KITLG: variants seen among roughly 807,000 people sequenced by gnomAD.
KITLG encodes the protein KIT ligand.
KITLG carries 13 observed loss-of-function variants against 34.1 expected under a neutral mutation model. That is an observed-to-expected ratio of 0.38 (90% CI 0.25 to 0.61). The LOEUF (loss-of-function observed/expected upper bound fraction) is 0.61. Ranked by LOEUF, KITLG falls within the 20% of genes least tolerant of loss-of-function variation. The pLI is 0.60. For synonymous variants in KITLG, 110 were observed against 104.0 expected (o/e 1.06, Z -0.35); for missense variants, 292 against 318.9 (o/e 0.92, Z 0.64).
intron 3 of KITLG, among the ~76,000 whole-genome samples, chr12:88,521,708 T>G: frequency 6.6e-6 from 1 of 152,184 alleles, no homozygotes; most frequent in East Asian, 1.9e-4. Flanking sequence ...AATTTGATGC[T>G]TTATTCGCCT....
Position 88,494,641 on chromosome 12 carries a change from T to G in KITLG, c.*2578A>C, listed in dbSNP as rs889085227. On this transcript the variant is annotated 3_prime_UTR_variant, in exon 10 of 10. Coordinates refer to ENST00000644744, the MANE Select transcript of KITLG (RefSeq NM_000899.5). ...TTCATTATCACTCAGGAGGCAACATTTATCATAAAGCCATTTTCTAAATAG... is the reference window on the plus strand; with the variant it reads ...TTCATTATCACTCAGGAGGCAACATGTATCATAAAGCCATTTTCTAAATAG... The G allele has an allele frequency of 6.6e-6, 1 of 152,388 alleles. No homozygotes were observed. The allele number at this position is 152,388 out of a possible 1,614,324, so 9.4% of individuals were successfully genotyped here. A position where few individuals can be genotyped will look rare whatever the true frequency, so the allele number is the denominator to read the frequency against.
At chr12:88,498,308 AT>A (rs1028254729) in intron 9 of KITLG, among the ~76,000 whole-genome samples, 6 of 152,080 alleles carry the variant, frequency 3.9e-5, no homozygotes, top group Non-Finnish European at 8.8e-5. Flanking sequence ...GAATTGCAAT[AT>A]TTTTCCAGTC....
intron 6 of KITLG, among the ~76,000 whole-genome samples, chr12:88,512,194 GA>G (rs1196334114): frequency 2.0e-5 from 3 of 151,932 alleles, no homozygotes; most frequent in Admixed American, 6.6e-5. Context: ...TTCCAGCAGA[GA>G]AATATGAAAT....
At chr12:88,524,203 C>G (rs1245712481) in intron 3 of KITLG, among the ~76,000 whole-genome samples, 2 of 152,198 alleles carry the variant, frequency 1.3e-5, no homozygotes, top group Non-Finnish European at 2.9e-5. Context: ...TGCAGCTCCT[C>G]TCACTCAAAA....
chr12:88,555,922 G>A (rs1871082607), intron 1 of KITLG, among the ~76,000 whole-genome samples: 1 of 152,092 alleles, frequency 6.6e-6, no homozygotes, highest in Non-Finnish European at 1.5e-5. Context: ...CACAGTGGTG[G>A]GAGTCAGAGA....
chr12:88,522,429 T>G (rs1383932905), intron 3 of KITLG, among the ~76,000 whole-genome samples: 1 of 18,936 alleles, frequency 5.3e-5, no homozygotes, highest in Non-Finnish European at 4.1e-4. Context: ...GCACAGTCTT[T>G]TTTTTTTTTT....
intron 6 of KITLG, among the ~76,000 whole-genome samples, chr12:88,509,747 C>A (rs1018151783): frequency 6.6e-6 from 1 of 152,166 alleles, no homozygotes; most frequent in African/African-American, 2.4e-5. Flanking sequence ...GGCTTAAGAA[C>A]CAGGCCTTTG....
rs1010956284 is a variant in KITLG at position 88,559,122 on chromosome 12, T to C, written c.16-13257A>G. 5.3e-5 allele frequency among the ~76,000 whole-genome samples: 8 copies of C among 152,328 alleles called. 1 individual carries two copies. The highest frequency in any genetic ancestry group is 1.7e-4 in the African/African-American group (7 of 41,574). ...TAAGTGTATTGAGTGCACAGAATAC[T>C]GTTGATTGTCTCTTTCAATTGCCAT... On this transcript the variant is annotated intron_variant, in intron 1 of 9. Coordinates refer to ENST00000644744, the MANE Select transcript of KITLG (RefSeq NM_000899.5).
intron 1 of KITLG, among the ~76,000 whole-genome samples, chr12:88,552,432 C>T (rs1017832231): frequency 6.6e-6 from 1 of 151,592 alleles, no homozygotes; most frequent in African/African-American, 2.4e-5. Context: ...TCAGGTAATC[C>T]ACCCACTTCA....
intron 6 of KITLG, among the ~76,000 whole-genome samples, chr12:88,509,024 C>A (rs1304144134): frequency 6.6e-6 from 1 of 152,082 alleles, no homozygotes; most frequent in East Asian, 1.9e-4. Context: ...TCCTTGAAGG[C>A]CAATCTGCTG....
At chr12:88,525,280 G>A (rs1414477604) in intron 3 of KITLG, among the ~76,000 whole-genome samples, 2 of 152,108 alleles carry the variant, frequency 1.3e-5, no homozygotes, top group African/African-American at 2.4e-5. Flanking sequence ...ATGCCCTTAG[G>A]TGACATGCTA....
intron 1 of KITLG, among the ~76,000 whole-genome samples, chr12:88,554,522 C>T (rs1592581879): frequency 6.6e-6 from 1 of 152,286 alleles, no homozygotes; most frequent in South Asian, 2.1e-4. Context: ...AGGCAGTTCC[C>T]TTGTAGCCCA....
rs1868630354 is a variant in KITLG, at chr12:88,496,084, T to C, written c.*1135A>G. ...TTTAATTCATAAACCTTAATGAATA[T>C]AGAGTGCCCGATTTTAACTAAATGG... On this transcript the variant is annotated 3_prime_UTR_variant, in exon 10 of 10. Coordinates refer to ENST00000644744, the MANE Select transcript of KITLG (RefSeq NM_000899.5). 1 of 152,180 alleles carries C rather than the reference T, an allele frequency of 6.6e-6. No individual in the cohort carries two copies. The allele number at this position is 152,180 out of a possible 1,614,324, so 9.4% of individuals were successfully genotyped here.
intron 6 of KITLG, among the ~76,000 whole-genome samples, chr12:88,514,554 T>G (rs1224023485): frequency 6.6e-6 from 1 of 151,668 alleles, no homozygotes; most frequent in Non-Finnish European, 1.5e-5. Context: ...CAGTGAATCC[T>G]GGGTAGCATT....
chr12:88,499,281 GA>G (rs1286917453), intron 9 of KITLG, among the ~76,000 whole-genome samples: 1 of 152,122 alleles, frequency 6.6e-6, no homozygotes, highest in Non-Finnish European at 1.5e-5. Context: ...ATCTAGCAAA[GA>G]ATCACAGGTC....
rs1215893705 is a variant in KITLG at position 88,494,675 on chromosome 12, T to C, written c.*2544A>G. 1 of 152,404 alleles carries C rather than the reference T, an allele frequency of 6.6e-6. No individual in the cohort carries two copies. The highest frequency in any genetic ancestry group is 1.9e-4 in the East Asian group (1 of 5,176). 9.4% of individuals were successfully genotyped at this position (152,404 alleles called of 1,614,324 possible). ...AGCCATTTTCTAAATAGACCTGGTT[T>C]CTACCAAAGAGGTGCAAAGCTTTCA... On this transcript the variant is annotated 3_prime_UTR_variant, in exon 10 of 10. Coordinates refer to ENST00000644744, the MANE Select transcript of KITLG (RefSeq NM_000899.5).
chr12:88,497,285 T>C (rs1868678057), intron 9 of KITLG, 104 bp from the exon 10 acceptor site: 2 of 262,738 alleles, frequency 7.6e-6, no homozygotes, highest in South Asian at 3.5e-5. Context: ...GAGTAACAAA[T>C]TTGCAATGTA....
chr12:88,511,862 A>G (rs1239222485), intron 6 of KITLG, among the ~76,000 whole-genome samples: 1 of 152,166 alleles, frequency 6.6e-6, no homozygotes, highest in Non-Finnish European at 1.5e-5. Context: ...AAGAAAGTTT[A>G]AAAACAAGGC....
At chr12:88,516,568 G>T in intron 4 of KITLG, 78 bp from the exon 5 acceptor site, 1 of 897,836 alleles carries the variant, frequency 1.1e-6, no homozygotes, top group Non-Finnish European at 1.7e-6. Context: ...CTATAAATAT[G>T]TCTCTCAAAG....
Sources: allele counts gnomAD v4.1 joint callset (sites outside exome capture counted in the v4.1 genomes callset), GRCh38; gene constraint gnomAD v4.1.1; transcripts MANE v1.5; gene names NCBI Gene and HGNC (gene_info 2026-07-23, HGNC 2026-07-21).